The following CIBAR2 variants were observed in gnomAD, a reference collection of about 807,000 sequenced individuals.
CIBAR2 encodes CBY1 interacting BAR domain containing 2.
Under a neutral mutation model 36.2 loss-of-function variants are expected in CIBAR2, and 38 were observed. That is an observed-to-expected ratio of 1.05 (90% CI 0.81 to 1.38). The LOEUF is 1.38. Among genes scored for constraint, CIBAR2 ranks in the 40% most tolerant of loss-of-function variants. The pLI is 0.00. For synonymous variants in CIBAR2, 182 were observed against 149.5 expected, an observed-to-expected ratio of 1.22 and a Z score of -1.58; for missense variants, 481 against 383.4, an observed-to-expected ratio of 1.25 and a Z score of -2.13.
In CIBAR2 at chr16:85,099,300, T is replaced by A. The variant is rs1376665443; in HGVS notation, c.800A>T (p.His267Leu). The A allele has an allele frequency of 6.2e-7, 1 of 1,612,390 alleles. No homozygotes were observed. Among genetic ancestry groups the A allele is most frequent in the South Asian group, 1.1e-5 (1 of 91,060 alleles). ...AAACCTGCCATGATTGGCATGAGGA[T>A]GTTCAGGGTCTTCATTTGCCCTACT... ...QLSRANEDPE[H>L]PHANHGRFSL... The change falls in exon 9 of 9, where the codon CAT (histidine) becomes CTT (leucine). Residue 267 changes from histidine to leucine, a missense_variant. His to Leu is a moderately conservative substitution (Grantham distance 99, BLOSUM62 -3). Transcript: ENST00000539556.
At chr16:85,106,591 C>T (rs922608930) in intron 5 of CIBAR2, among the ~76,000 whole-genome samples, 1 of 152,136 alleles carries the variant, frequency 6.6e-6, no homozygotes, top group Non-Finnish European at 1.5e-5. Context: ...GGCCATGAGC[C>T]AAGGGATGTG....
intron 1 of CIBAR2, among the ~76,000 whole-genome samples, chr16:85,110,703 C>A (rs896297107): frequency 5.0e-4 from 47 of 94,560 alleles, no homozygotes; most frequent in Non-Finnish European, 8.9e-4. Flanking sequence ...GCAGACCTGG[C>A]CTTTTTTTTT....
intron 5 of CIBAR2, among the ~76,000 whole-genome samples, chr16:85,105,724 C>G (rs2073991004): frequency 6.6e-6 from 1 of 152,148 alleles, no homozygotes; most frequent in Non-Finnish European, 1.5e-5. Context: ...ATGAGACTTG[C>G]TTAGCAGGGC....
chr16:85,099,797 C>CTT (rs71386075), intron 8 of CIBAR2, among the ~76,000 whole-genome samples: 25 of 77,434 alleles, frequency 3.2e-4, no homozygotes, highest in Admixed American at 7.4e-4. Context: ...CTAATTTTTG[C>CTT]TTTTTTTTTT....
chr16:85,110,732 TC>T (rs1296812584), intron 1 of CIBAR2, among the ~76,000 whole-genome samples: 1 of 110,234 alleles, frequency 9.1e-6, no homozygotes, highest in African/African-American at 4.0e-5. Flanking sequence ...GGAGACAGAG[TC>T]TTGCTCTGTC....
At chr16:85,104,340 G>T (rs2073978592) in intron 6 of CIBAR2, among the ~76,000 whole-genome samples, 1 of 152,224 alleles carries the variant, frequency 6.6e-6, no homozygotes, top group Non-Finnish European at 1.5e-5. Context: ...AAGGGATTTT[G>T]GTTCTAATCC....
chr16:85,100,772 G>A (rs1291293564), intron 7 of CIBAR2, among the ~76,000 whole-genome samples: 4 of 152,206 alleles, frequency 2.6e-5, no homozygotes, highest in African/African-American at 9.6e-5. Flanking sequence ...TGAGTGCCGG[G>A]CGCGGTGGCT....
At chr16:85,111,000 C>T (rs535257602) in intron 1 of CIBAR2, among the ~76,000 whole-genome samples, 9 of 152,260 alleles carry the variant, frequency 5.9e-5, no homozygotes, top group African/African-American at 1.9e-4. Context: ...CCACCACGTT[C>T]GGCCCCAACT....
At chr16:85,107,188 A>G (rs1213082081) in intron 5 of CIBAR2, among the ~76,000 whole-genome samples, 1 of 151,934 alleles carries the variant, frequency 6.6e-6, no homozygotes, top group Non-Finnish European at 1.5e-5. Context: ...GAGGTCACAC[A>G]CTCAGTCACA....
At position 85,102,261 on chromosome 16, in the gene CIBAR2, T is replaced by C; in HGVS notation, c.604A>G (p.Ser202Gly). The stretch of plus-strand genomic sequence containing the variant: ...TACTTCTCCAGGGTCTGGAAGGCGC[T>C]AGAATACACCTCCACCGCTTTGGCA... ...FHAKAVEVYS[S>G]AFQTLEKYDL... Residue 202 changes from serine (S) to glycine (G), a missense_variant, in exon 7 of 9, where the codon AGC becomes GGC. Transcript: ENST00000539556. 1 of 1,613,640 alleles carries C rather than the reference T, an allele frequency of 6.2e-7. No individual in the cohort carries two copies. The highest frequency in any genetic ancestry group is 1.1e-5 in the South Asian group (1 of 91,066).
intron 5 of CIBAR2, among the ~76,000 whole-genome samples, chr16:85,107,050 G>C (rs750497342): frequency 2.7e-4 from 41 of 152,108 alleles, no homozygotes; most frequent in South Asian, 2.1e-4. Context: ...GGAGGGTGAG[G>C]TAGGAGAATC....
chr16:85,099,155 A>G lies in CIBAR2; in HGVS notation c.*30T>C. The G allele has an allele frequency of 6.8e-7, 1 of 1,480,398 alleles. No individual in the cohort carries two copies. The highest frequency in any genetic ancestry group is 9.0e-7 in the Non-Finnish European group (1 of 1,115,700). 91.7% of individuals were successfully genotyped at this position (1,480,398 alleles called of 1,614,324 possible). On this transcript the variant is annotated 3_prime_UTR_variant, in exon 9 of 9. Transcript: ENST00000539556. ...TCCAGGCAGTCTGGGATTATTTTAA[A>G]CGGCTTGGGATTGCACTTACCCTAC... is the stretch of plus-strand genomic sequence containing the variant.
In CIBAR2 at chr16:85,099,990, C is replaced by T. The variant is rs1416955567; in HGVS notation, c.753+149G>A. ...TCTGGTCAGACCCCCGGGCAGCCCT[C>T]CATGCTCCCACCACCCCTGCCTCCT... On this transcript the variant is annotated intron_variant, in intron 8 of 8. Transcript: ENST00000539556. 5 of 632,238 alleles carry T rather than the reference C, an allele frequency of 7.9e-6. No homozygotes were observed. In the South Asian group the frequency reaches 1.0e-4, roughly 13 times the overall value. The allele number at this position is 632,238 out of a possible 1,614,324, so 39.2% of individuals were successfully genotyped here.
chr16:85,111,612 G>A (rs549057651), intron 1 of CIBAR2, among the ~76,000 whole-genome samples: 51 of 152,312 alleles, frequency 3.3e-4, no homozygotes, highest in African/African-American at 1.2e-3. Flanking sequence ...TTGGGGGGCC[G>A]AGGTGTGCAG....
Position 85,110,256 on chromosome 16 carries a change from C to G in CIBAR2, c.225G>C (p.Leu75=). Residue 75 remains leucine, a synonymous_variant, in exon 2 of 9, where the codon CTG becomes CTC. Coordinates refer to ENST00000539556, the MANE Select transcript of CIBAR2 (RefSeq NM_198491.3). Reference sequence around the variant, plus strand: ...CCTGCCGGTAATCCTGCACTTTGGCCAGGTCCTCAGCGAAGCCCCTCATGG... The same window carrying G: ...CCTGCCGGTAATCCTGCACTTTGGCGAGGTCCTCAGCGAAGCCCCTCATGG... The part of the protein sequence containing the change: ...RATMRGFAED[L]AKVQDYRQAQ... The G allele has an allele frequency of 1.9e-6, 3 of 1,589,660 alleles. No homozygotes were observed. Among genetic ancestry groups the G allele is most frequent in the Non-Finnish European group, 2.6e-6 (3 of 1,165,198 alleles).
At chr16:85,105,263 C>G (rs1219900999) in intron 6 of CIBAR2, 64 bp downstream of exon 6, 1 of 936,978 alleles carries the variant, frequency 1.1e-6, no homozygotes, top group African/African-American at 1.6e-5. Flanking sequence ...CACGTGTACA[C>G]ACGTGCATGC....
chr16:85,105,229 C>T (rs1181132765), intron 6 of CIBAR2, 98 bp downstream of exon 6: 1 of 738,620 alleles, frequency 1.4e-6, no homozygotes, highest in African/African-American at 1.7e-5. Context: ...CCCATACACA[C>T]TCATGCTGAA....
chr16:85,110,445 C>A lies in CIBAR2; in HGVS notation c.36G>T (p.Arg12Ser). 1 of 1,600,738 alleles carries A rather than the reference C, an allele frequency of 6.2e-7. No homozygotes were observed. The highest frequency in any genetic ancestry group is 8.5e-7 in the Non-Finnish European group (1 of 1,171,784). The change falls in exon 2 of 9, where the codon AGG becomes AGT. Residue 12 changes from arginine to serine, a missense_variant. By Grantham distance (110) the Arg-to-Ser change is moderately radical. Coordinates refer to ENST00000539556, the MANE Select transcript of CIBAR2 (RefSeq NM_198491.3). ...NIVFSRDSQV[R>S]VMENTVANTE... is the part of the protein sequence containing the mutation. ...TGTTGGCCACGGTATTCTCCATCAC[C>A]CTCACCTGGCTGTCCCTGTGGAGGC...
In CIBAR2 at chr16:85,110,345, C is replaced by CCTTGTCCCGCAGCCGGGCCGT; in HGVS notation, c.115_135dup (p.Thr39_Lys45dup). 6.2e-7 allele frequency: 1 copy of CCTTGTCCCGCAGCCGGGCCGT among 1,613,484 alleles called. No homozygotes were observed. Among genetic ancestry groups the CCTTGTCCCGCAGCCGGGCCGT allele is most frequent in the Non-Finnish European group, 8.5e-7 (1 of 1,179,774 alleles). On this transcript the variant is annotated inframe_insertion, in exon 2 of 9. Transcript: ENST00000539556. ...ATGAGCTGCTTGACCAGCTGGTCCG[C>CCTTGTCCCGCAGCCGGGCCGT]CTTGTCCCGCAGCCGGGCCGTCTTG...
Sources: allele counts gnomAD v4.1 joint callset (sites outside exome capture counted in the v4.1 genomes callset), GRCh38; gene constraint gnomAD v4.1.1; transcripts MANE v1.5; gene names NCBI Gene and HGNC (gene_info 2026-07-23, HGNC 2026-07-21).